The following CFI variants were observed in gnomAD, a reference collection of about 807,000 sequenced individuals.
CFI encodes the protein C3B/C4B inactivator.
In CFI, 66 loss-of-function variants were observed where a neutral mutation model predicts 78.8. The ratio of observed to expected loss-of-function variants is 0.84; its 90% confidence interval spans 0.69 to 1.03. The LOEUF (loss-of-function observed/expected upper bound fraction) is 1.03, where lower values mean the gene tolerates loss of function less well. Ranked by LOEUF, CFI falls within the 50% of genes least tolerant of loss-of-function variation. The probability of loss-of-function intolerance (pLI) is 0.00; values close to 1 mark genes in which losing one functional copy is unlikely to be tolerated. For missense variants in CFI, 706 were observed against 704.5 expected (o/e 1.00, Z -0.02); for synonymous variants, 250 against 232.6 (o/e 1.07, Z -0.68).
At chr4:109,797,071 T>C (rs183800638) in intron 1 of CFI, among the ~76,000 whole-genome samples, 1 of 152,320 alleles carries the variant, frequency 6.6e-6, no homozygotes, top group East Asian at 1.9e-4. Context: ...ATAGAAAATA[T>C]AATTCTAAAA....
chr4:109,774,521 A>T (rs1728977709), intron 1 of CFI, among the ~76,000 whole-genome samples: 1 of 152,130 alleles, frequency 6.6e-6, no homozygotes, highest in Non-Finnish European at 1.5e-5. Flanking sequence ...GTGTGGGTGG[A>T]TGGGAATAAG....
At chr4:109,751,782 T>G (rs1404816184) in intron 8 of CFI, among the ~76,000 whole-genome samples, 1 of 152,186 alleles carries the variant, frequency 6.6e-6, no homozygotes, top group African/African-American at 2.4e-5. Flanking sequence ...AGATTGTTAC[T>G]TAATTTTGGT....
At position 109,766,827 on chromosome 4, in the gene CFI, G is replaced by C; in HGVS notation, c.58-3C>G. 6.2e-7 allele frequency: 1 copy of C among 1,613,938 alleles called. No homozygotes were observed. The highest frequency in any genetic ancestry group is 8.5e-7 in the Non-Finnish European group (1 of 1,179,972). On this transcript the variant is annotated splice_region_variant and splice_polypyrimidine_tract_variant and intron_variant, in intron 1 of 12. Coordinates refer to ENST00000394634, the MANE Select transcript of CFI (RefSeq NM_000204.5). The stretch of plus-strand genomic sequence containing the variant: ...TCCTCTTGAGATGTATAAGTGACCT[G>C]TAAAATGCAAAATAAACATTAACTT...
chr4:109,761,440 C>A, intron 4 of CFI, 77 bp downstream of exon 4: 1 of 1,391,198 alleles, frequency 7.2e-7, no homozygotes, highest in Non-Finnish European at 1.0e-6. Flanking sequence ...AGGCATCAAT[C>A]ATTTGTTTAC....
intron 1 of CFI, among the ~76,000 whole-genome samples, chr4:109,786,601 T>C (rs1378322958): frequency 6.6e-6 from 1 of 152,138 alleles, no homozygotes; most frequent in Non-Finnish European, 1.5e-5. Context: ...CAGTTATGAT[T>C]AAAGCAAGGA....
At position 109,760,283 on chromosome 4, in the gene CFI, T is replaced by G. The variant is rs754922990; in HGVS notation, c.870A>C (p.Glu290Asp). The part of the protein sequence containing the change: ...GEVDCITGED[E>D]VGCAGFASVT... ...TCTTTCAATTACCTGCACAGCCAAC[T>G]TCATCTTCCCCTGTAATGCAGTCCA... Residue 290 changes from glutamate to aspartate, a missense_variant, in exon 6 of 13, where the codon GAA (glutamate) becomes GAC (aspartate). Glu to Asp is a conservative substitution (Grantham distance 45). Transcript: ENST00000394634. 8 of 1,613,304 alleles carry G rather than the reference T, an allele frequency of 5.0e-6. No individual in the cohort carries two copies. Among genetic ancestry groups the G allele is most frequent in the Non-Finnish European group, 6.8e-6 (8 of 1,179,328 alleles).
intron 1 of CFI, among the ~76,000 whole-genome samples, chr4:109,791,836 G>A (rs79686659): frequency 1.5e-3 from 226 of 152,018 alleles, no homozygotes; most frequent in Middle Eastern, 0.01. Context: ...AACTGCTTTC[G>A]CTGCATATCA....
downstream of CFI, among the ~76,000 whole-genome samples, chr4:109,738,237 T>C (rs1434623043): frequency 6.6e-6 from 1 of 151,440 alleles, no homozygotes; most frequent in Non-Finnish European, 1.5e-5. Flanking sequence ...ACCTCAGCCT[T>C]CCAAGTAGCA....
chr4:109,801,407 T>C (rs1732756406), intron 1 of CFI, among the ~76,000 whole-genome samples: 2 of 152,238 alleles, frequency 1.3e-5, no homozygotes, highest in Admixed American at 6.5e-5. Flanking sequence ...CATGAAGTGA[T>C]TTGTCCTCTC....
At chr4:109,777,116 A>G (rs1729352430) in intron 1 of CFI, among the ~76,000 whole-genome samples, 1 of 152,246 alleles carries the variant, frequency 6.6e-6, no homozygotes, top group African/African-American at 2.4e-5. Context: ...AGATTCACAC[A>G]TAACAATACT....
At chr4:109,783,290 A>G (rs943300891) in intron 1 of CFI, among the ~76,000 whole-genome samples, 71 of 152,276 alleles carry the variant, frequency 4.7e-4, no homozygotes, top group African/African-American at 1.7e-3. Flanking sequence ...CTGAAAAAAG[A>G]CTAACATCCA....
chr4:109,781,049 T>C (rs62324931), intron 1 of CFI, among the ~76,000 whole-genome samples: 35,218 of 152,066 alleles, frequency 0.23, 4,708 homozygotes, highest in Admixed American at 0.35. Flanking sequence ...CTAATGTACA[T>C]GACAAGTTAA....
chr4:109,751,921 T>C (rs1665656340), intron 8 of CFI, among the ~76,000 whole-genome samples: 1 of 152,220 alleles, frequency 6.6e-6, no homozygotes, highest in South Asian at 2.1e-4. Context: ...AATACATAAC[T>C]GAGTCAGAAT....
intron 1 of CFI, among the ~76,000 whole-genome samples, 169 bp from the exon 2 acceptor site, chr4:109,766,993 T>C (rs1261445035): frequency 6.6e-6 from 1 of 152,204 alleles, no homozygotes; most frequent in Non-Finnish European, 1.5e-5. Flanking sequence ...TACAACCATC[T>C]GATCTTTGAC....
At chr4:109,768,012 C>G (rs1436903723) in intron 1 of CFI, among the ~76,000 whole-genome samples, 1 of 151,640 alleles carries the variant, frequency 6.6e-6, no homozygotes, top group East Asian at 1.9e-4. Flanking sequence ...AACCATCATT[C>G]TCAGCAAACT....
At chr4:109,777,151 T>C (rs989896959) in intron 1 of CFI, among the ~76,000 whole-genome samples, 2 of 152,194 alleles carry the variant, frequency 1.3e-5, no homozygotes, top group Non-Finnish European at 2.9e-5. Context: ...ATGGGCTAAA[T>C]GCTCGAATTA....
intron 1 of CFI, among the ~76,000 whole-genome samples, chr4:109,798,766 T>C (rs1040820946): frequency 8.6e-5 from 13 of 151,850 alleles, no homozygotes; most frequent in African/African-American, 1.5e-4. Context: ...GTTTGTTTGA[T>C]GACTTTTCTA....
intron 3 of CFI, chr4:109,764,336 T>A: frequency 4.8e-6 from 3 of 628,990 alleles, no homozygotes; most frequent in Non-Finnish European, 8.5e-6. Flanking sequence ...ACAGACTTAT[T>A]ATCCATGCTT....
intron 1 of CFI, among the ~76,000 whole-genome samples, chr4:109,771,571 G>A (rs547478321): frequency 1.6e-4 from 24 of 151,096 alleles, no homozygotes; most frequent in African/African-American, 2.7e-4. Flanking sequence ...AAAATTAGCC[G>A]GGCGTAGTGG....
Sources: allele counts gnomAD v4.1 joint callset (sites outside exome capture counted in the v4.1 genomes callset), GRCh38; gene constraint gnomAD v4.1.1; transcripts MANE v1.5; gene names NCBI Gene and HGNC (gene_info 2026-07-23, HGNC 2026-07-21).